Variants in NLGN1 observed in about 807,000 individuals in gnomAD.
NLGN1 encodes neuroligin-1.
Under a neutral mutation model 65.5 loss-of-function variants are expected in NLGN1, and 12 were observed. The ratio of observed to expected loss-of-function variants is 0.18; its 90% CI spans 0.12 to 0.30. NLGN1 has a LOEUF of 0.30. Ranked by LOEUF, NLGN1 falls within the 10% of genes least tolerant of loss-of-function variation. NLGN1 has a pLI of 1.00. For missense variants in NLGN1, 750 were observed against 1,007.1 expected (o/e 0.74, Z 3.46); for synonymous variants, 350 against 359.5 (o/e 0.97, Z 0.30).
At chr3:174,046,721 T>TA (rs2152497135) in intron 4 of NLGN1, among the ~76,000 whole-genome samples, 1 of 152,222 alleles carries the variant, frequency 6.6e-6, no homozygotes, top group South Asian at 2.1e-4. Flanking sequence ...CATGCCTATT[T>TA]ATAAAATTAA....
intron 4 of NLGN1, among the ~76,000 whole-genome samples, chr3:174,209,543 T>C (rs893499784): frequency 1.3e-5 from 2 of 152,034 alleles, no homozygotes; most frequent in Admixed American, 1.3e-4. Context: ...AGTAGACTTA[T>C]ATTGTCACTT....
chr3:173,437,403 G>A (rs545490534), intron 2 of NLGN1, among the ~76,000 whole-genome samples: 1 of 152,286 alleles, frequency 6.6e-6, no homozygotes, highest in South Asian at 2.1e-4. Flanking sequence ...GAAGGAAGAT[G>A]AGGCTTTTTC....
At chr3:173,492,247 G>T (rs181994412) in intron 2 of NLGN1, among the ~76,000 whole-genome samples, 1 of 151,806 alleles carries the variant, frequency 6.6e-6, no homozygotes, top group African/African-American at 2.4e-5. Context: ...GAGTGTTAAC[G>T]TGTGTTATTA....
chr3:173,750,640 A>G (rs1776188666), intron 3 of NLGN1, among the ~76,000 whole-genome samples: 1 of 152,254 alleles, frequency 6.6e-6, no homozygotes, highest in East Asian at 1.9e-4. Flanking sequence ...CTGTGCCTCA[A>G]AGTAATCATT....
At chr3:173,914,529 C>G (rs1317673905) in intron 4 of NLGN1, among the ~76,000 whole-genome samples, 2 of 135,382 alleles carry the variant, frequency 1.5e-5, no homozygotes, top group Non-Finnish European at 3.1e-5. Flanking sequence ...ACACATACAT[C>G]TATACATACA....
intron 2 of NLGN1, among the ~76,000 whole-genome samples, chr3:173,591,924 A>G (rs567525849): frequency 2.6e-5 from 4 of 152,120 alleles, no homozygotes; most frequent in Admixed American, 2.0e-4. Flanking sequence ...CATCAACTTA[A>G]TATCAAGGGA....
chr3:173,468,841 A>T (rs926998757), intron 2 of NLGN1, among the ~76,000 whole-genome samples: 6 of 152,084 alleles, frequency 3.9e-5, no homozygotes, highest in African/African-American at 1.4e-4. Context: ...AAATAAAAAA[A>T]AATTGTTCTA....
chr3:173,515,471 G>A (rs571881093), intron 2 of NLGN1, among the ~76,000 whole-genome samples: 160 of 152,062 alleles, frequency 1.1e-3, no homozygotes, highest in Non-Finnish European at 1.8e-3. Flanking sequence ...CCTTTGATTT[G>A]CAGAAGATTT....
At chr3:174,016,908 G>T (rs775913016) in intron 4 of NLGN1, among the ~76,000 whole-genome samples, 2 of 152,088 alleles carry the variant, frequency 1.3e-5, no homozygotes, top group Admixed American at 1.3e-4. Flanking sequence ...ATTGGATTGG[G>T]TTGAGAAAGG....
intron 4 of NLGN1, among the ~76,000 whole-genome samples, chr3:174,105,367 G>A (rs1713482594): frequency 6.6e-6 from 1 of 151,904 alleles, no homozygotes; most frequent in African/African-American, 2.4e-5. Context: ...GTTAAACCCT[G>A]TCTCTACAAA....
At chr3:173,470,692 G>A (rs1391050605) in intron 2 of NLGN1, among the ~76,000 whole-genome samples, 4 of 152,122 alleles carry the variant, frequency 2.6e-5, no homozygotes, top group African/African-American at 9.7e-5. Flanking sequence ...TTGGTAGATA[G>A]AAAGCACTCA....
intron 3 of NLGN1, among the ~76,000 whole-genome samples, chr3:173,770,015 G>C (rs777635835): frequency 1.3e-5 from 2 of 152,170 alleles, no homozygotes; most frequent in Non-Finnish European, 2.9e-5. Context: ...CTAAGCTTCT[G>C]TTATATTCCA....
intron 2 of NLGN1, among the ~76,000 whole-genome samples, chr3:173,561,301 T>A (rs148717600): frequency 1.3e-5 from 2 of 152,340 alleles, no homozygotes; most frequent in African/African-American, 2.4e-5. Context: ...CAAAGCCTCT[T>A]GTCTCTGGTA....
chr3:173,875,001 T>C (rs944453284), intron 4 of NLGN1, among the ~76,000 whole-genome samples: 1 of 152,202 alleles, frequency 6.6e-6, no homozygotes, highest in South Asian at 2.1e-4. Context: ...TACTTATGTT[T>C]AGTAACCTCA....
intron 2 of NLGN1, among the ~76,000 whole-genome samples, chr3:173,560,134 G>A (rs7649057): frequency 0.08 from 12,088 of 151,750 alleles, 756 homozygotes; most frequent in African/African-American, 0.17. Flanking sequence ...TAGTAGAGAC[G>A]GGGTTTCACC....
intron 4 of NLGN1, among the ~76,000 whole-genome samples, chr3:173,828,719 C>A (rs866041144): frequency 6.6e-6 from 1 of 151,912 alleles, no homozygotes; most frequent in Non-Finnish European, 1.5e-5. Flanking sequence ...TGAGTAAAGA[C>A]GTGATTGATG....
intron 3 of NLGN1, among the ~76,000 whole-genome samples, chr3:173,735,350 A>G (rs1298056878): frequency 6.6e-6 from 1 of 152,060 alleles, no homozygotes; most frequent in Non-Finnish European, 1.5e-5. Flanking sequence ...AAACACTTTT[A>G]TTTTTTCCCA....
At chr3:174,276,302 C>T (rs1338308870) in intron 5 of NLGN1, among the ~76,000 whole-genome samples, 1 of 151,820 alleles carries the variant, frequency 6.6e-6, no homozygotes, top group African/African-American at 2.4e-5. Context: ...AACTCCATCT[C>T]CATTTTACCA....
Position 173,740,447 on chromosome 3 carries a change from G to A in NLGN1, c.494-67233G>A, listed in dbSNP as rs190164343. 2.0e-3 allele frequency among the ~76,000 whole-genome samples: 304 copies of A among 152,130 alleles called. 5 individuals carry two copies. The highest frequency in any genetic ancestry group is 5.6e-4 in the Non-Finnish European group (38 of 67,998). ...ATAGCACATTGTAGGATAGTATTTT[G>A]CACAGAAAAAATAAGGCTCTTTTGA... On this transcript the variant is annotated intron_variant, in intron 3 of 6. Coordinates refer to ENST00000457714, the Ensembl canonical transcript of NLGN1.
Sources: gnomAD v4.1 joint callset for allele counts (sites outside exome capture counted in the v4.1 genomes callset) on GRCh38, gnomAD v4.1.1 for gene constraint, MANE v1.5 for transcripts, NCBI Gene and HGNC (gene_info 2026-07-23, HGNC 2026-07-21) for gene names.